The following CASR variants were observed in gnomAD, a reference collection of about 807,000 sequenced individuals.
CASR encodes the protein calcium sensing receptor.
CASR carries 23 observed loss-of-function variants against 69.1 expected under a neutral mutation model. The observed-to-expected ratio is 0.33, with a 90% CI of 0.24 to 0.47. The LOEUF is 0.47. CASR is among the 20% of genes least tolerant of loss of function. The pLI is 1.00. For synonymous variants in CASR, 541 were observed against 544.7 expected, an observed-to-expected ratio of 0.99 and a Z score of 0.10; for missense variants, 924 against 1,356.1, an observed-to-expected ratio of 0.68 and a Z score of 5.00.
At chr3:122,232,229 TCTG>T (rs2074285481) in intron 1 of CASR, among the ~76,000 whole-genome samples, 1 of 152,154 alleles carries the variant, frequency 6.6e-6, no homozygotes, top group South Asian at 2.1e-4. Context: ...TCATTAAGTG[TCTG>T]CTGTGTCCTG....
intron 1 of CASR, among the ~76,000 whole-genome samples, chr3:122,195,033 CCT>C (rs777670347): frequency 6.6e-6 from 1 of 152,004 alleles, no homozygotes; most frequent in Non-Finnish European, 1.5e-5. Context: ...TTTCCTCCTC[CCT>C]CTCTTTCTTC....
Position 122,284,192 on chromosome 3 carries a change from G to A in CASR, c.2238G>A (p.Ala746=), listed in dbSNP as rs149557554. The stretch of plus-strand genomic sequence containing the variant: ...TCTGTGTGATCTGGCTCTACACCGC[G>A]CCCCCGTCAAGCTACCGCAACCAGG... ...IVICVIWLYT[A]PPSSYRNQEL... Residue 746 remains alanine, a synonymous_variant, in exon 7 of 7, where the codon GCG becomes GCA. Coordinates refer to ENST00000639785, the MANE Select transcript of CASR (RefSeq NM_000388.4). 4.2e-5 allele frequency: 68 copies of A among 1,613,650 alleles called. No homozygotes were observed. In the East Asian group the frequency reaches 1.4e-3, roughly 34 times the overall value.
intron 1 of CASR, among the ~76,000 whole-genome samples, chr3:122,203,662 A>C (rs1467154860): frequency 6.6e-6 from 1 of 152,248 alleles, no homozygotes; most frequent in Non-Finnish European, 1.5e-5. Flanking sequence ...GCGAGTGATG[A>C]GTGAATGTGA....
intron 1 of CASR, among the ~76,000 whole-genome samples, chr3:122,212,449 A>G (rs1268112320): frequency 1.3e-5 from 2 of 152,200 alleles, no homozygotes; most frequent in African/African-American, 4.8e-5. Context: ...TAGCTAATGC[A>G]TGCTGGGCTT....
At chr3:122,252,409 A>AGGAAGGAGAAAGAAAGAAAG (rs1553765626) in intron 1 of CASR, among the ~76,000 whole-genome samples, 1 of 6,482 alleles carries the variant, frequency 1.5e-4, no homozygotes, top group Non-Finnish European at 3.8e-4. Context: ...GAAGGAAGGA[A>AGGAAGGAGAAAGAAAGAAAG]AAAGAAAGAA....
At chr3:122,224,476 A>G (rs1276389109) in intron 1 of CASR, among the ~76,000 whole-genome samples, 1 of 152,210 alleles carries the variant, frequency 6.6e-6, no homozygotes, top group African/African-American at 2.4e-5. Context: ...CTAGGAATAC[A>G]GCTAACCAAG....
intron 1 of CASR, among the ~76,000 whole-genome samples, chr3:122,209,811 C>T (rs1052312961): frequency 2.4e-4 from 36 of 152,288 alleles, no homozygotes; most frequent in Middle Eastern, 3.4e-3. Context: ...AGTCCAATAT[C>T]CCTGATGAAC....
At chr3:122,215,717 T>C (rs1201887996) in intron 1 of CASR, among the ~76,000 whole-genome samples, 3 of 152,202 alleles carry the variant, frequency 2.0e-5, no homozygotes, top group African/African-American at 7.2e-5. Context: ...CCAGGAGCCA[T>C]TGAAGTCCAG....
chr3:122,218,921 T>G (rs958912929), intron 1 of CASR, among the ~76,000 whole-genome samples: 4 of 152,016 alleles, frequency 2.6e-5, no homozygotes, highest in African/African-American at 9.7e-5. Flanking sequence ...ACATTTAAGG[T>G]AAGACCTAAA....
chr3:122,222,167 A>C (rs1176553237), intron 1 of CASR, among the ~76,000 whole-genome samples: 1 of 152,234 alleles, frequency 6.6e-6, no homozygotes, highest in East Asian at 1.9e-4. Flanking sequence ...GGACTGGAAG[A>C]GGCCCTTTGC....
Position 122,285,045 on chromosome 3 carries a change from G to A in CASR, c.3091G>A (p.Gly1031Ser), listed in dbSNP as rs142704083. ...CTTAGATCTGACCGTCCAGGAAACAGGTCTGCAAGGACCTGTGGGTGGAGA... is the reference window on the plus strand; with the variant it reads ...CTTAGATCTGACCGTCCAGGAAACAAGTCTGCAAGGACCTGTGGGTGGAGA... ...TDLDLTVQET[G>S]LQGPVGGDQR... The change falls in exon 7 of 7, where the codon GGT becomes AGT. Residue 1031 changes from glycine to serine, a missense_variant. Gly to Ser is a moderately conservative substitution (Grantham distance 56). Transcript: ENST00000639785. 1.0e-4 allele frequency: 169 copies of A among 1,614,220 alleles called. 1 individual carries two copies. The African/African-American group carries it at 1.9e-3, about 19-fold the overall frequency.
At chr3:122,214,164 C>T (rs990139437) in intron 1 of CASR, among the ~76,000 whole-genome samples, 2 of 152,132 alleles carry the variant, frequency 1.3e-5, no homozygotes, top group Non-Finnish European at 2.9e-5. Flanking sequence ...CTTTATGGCC[C>T]TGATTTCTTT....
At chr3:122,224,884 G>T (rs2074207987) in intron 1 of CASR, among the ~76,000 whole-genome samples, 1 of 152,004 alleles carries the variant, frequency 6.6e-6, no homozygotes, top group Admixed American at 6.6e-5. Flanking sequence ...TAGACGTAAA[G>T]CCACACACCT....
At chr3:122,268,337 A>C (rs1403094407) in intron 4 of CASR, among the ~76,000 whole-genome samples, 6 of 152,206 alleles carry the variant, frequency 3.9e-5, no homozygotes. Context: ...ATTTTCCTAA[A>C]GTAATATATC....
rs537011394 is a variant in CASR, at chr3:122,204,673, C to A, written c.-243+20861C>A. 1.1e-4 allele frequency among the ~76,000 whole-genome samples: 16 copies of A among 152,250 alleles called. No homozygotes were observed. The South Asian group carries it at 3.3e-3, about 32-fold the overall frequency. ...CAAGCTATTCTCCATAGTGGCTGTA[C>A]TAATTTACATCCTCACCAACAGTGT... On this transcript the variant is annotated intron_variant, in intron 1 of 6. Transcript: ENST00000639785.
intron 1 of CASR, among the ~76,000 whole-genome samples, chr3:122,210,876 G>A (rs1559939144): frequency 2.0e-5 from 3 of 152,122 alleles, no homozygotes; most frequent in Admixed American, 6.6e-5. Context: ...GAGGGTATTG[G>A]TACAAAAACA....
intron 1 of CASR, among the ~76,000 whole-genome samples, chr3:122,238,833 G>A (rs894752070): frequency 2.6e-5 from 4 of 152,156 alleles, no homozygotes; most frequent in African/African-American, 7.2e-5. Flanking sequence ...GGGCCAGAAG[G>A]GAACTCACTG....
intron 1 of CASR, among the ~76,000 whole-genome samples, chr3:122,203,445 C>T (rs1237999624): frequency 7.9e-5 from 12 of 152,180 alleles, no homozygotes; most frequent in Admixed American, 7.9e-4. Flanking sequence ...TCCTAGGCTA[C>T]AAACCTGTAC....
intron 4 of CASR, among the ~76,000 whole-genome samples, chr3:122,273,403 G>A (rs2074781046): frequency 6.6e-6 from 1 of 152,158 alleles, no homozygotes; most frequent in African/African-American, 2.4e-5. Flanking sequence ...GTGTTGTGAG[G>A]ATTAAATGAT....
Sources: allele counts gnomAD v4.1 joint callset (sites outside exome capture counted in the v4.1 genomes callset), GRCh38; gene constraint gnomAD v4.1.1; transcripts MANE v1.5; gene names NCBI Gene and HGNC (gene_info 2026-07-23, HGNC 2026-07-21).